PDZD2: variants seen among roughly 807,000 people sequenced by gnomAD.
The protein encoded by PDZD2 is PDZ domain-containing protein 2.
A neutral mutation model predicts 220.7 loss-of-function variants in PDZD2; 90 were observed. That is an observed-to-expected ratio of 0.41 (90% CI 0.34 to 0.49). PDZD2 has a LOEUF of 0.49. Ranked by LOEUF, PDZD2 falls within the 20% of genes least tolerant of loss-of-function variation. The probability of loss-of-function intolerance (pLI) is 0.28; values close to 1 mark genes in which losing one functional copy is unlikely to be tolerated. For synonymous variants in PDZD2, 1,375 were observed against 1,450.5 expected, an observed-to-expected ratio of 0.95 and a Z score of 1.18; for missense variants, 3,174 against 3,608.5, an observed-to-expected ratio of 0.88 and a Z score of 3.08.
intron 2 of PDZD2, among the ~76,000 whole-genome samples, chr5:31,803,396 C>G (rs1017999697): frequency 1.3e-5 from 2 of 151,242 alleles, no homozygotes; most frequent in African/African-American, 4.9e-5. Flanking sequence ...AGTCACTGCA[C>G]CCATGGGGCT....
chr5:31,846,033 C>T (rs1431891828), intron 2 of PDZD2, among the ~76,000 whole-genome samples: 2 of 152,214 alleles, frequency 1.3e-5, no homozygotes, highest in Non-Finnish European at 2.9e-5. Flanking sequence ...GATCAGAAAC[C>T]ATTCTCCGGT....
chr5:31,772,944 G>T (rs1024121873), intron 1 of PDZD2, among the ~76,000 whole-genome samples: 2 of 152,176 alleles, frequency 1.3e-5, no homozygotes, highest in Admixed American at 1.3e-4. Context: ...GCTTGAGAAG[G>T]TTCCATGGAG....
At chr5:32,008,247 C>T (rs1753002681) in intron 5 of PDZD2, among the ~76,000 whole-genome samples, 1 of 149,816 alleles carries the variant, frequency 6.7e-6, no homozygotes, top group Non-Finnish European at 1.5e-5. Context: ...AAGACCTTAT[C>T]TGACATTTTG....
chr5:32,081,505 TG>T (rs1247002844), intron 19 of PDZD2, among the ~76,000 whole-genome samples: 1 of 152,090 alleles, frequency 6.6e-6, no homozygotes, highest in African/African-American at 2.4e-5. Flanking sequence ...GCTTTTGGGG[TG>T]TATCTGAAAT....
rs1347131769 is a variant in PDZD2, at chr5:32,093,074, G to A, written c.7845+50G>A. ...GAACATGAATTGCGGCCGCGTGAGTGCCCAGGTATGTGCTGCCTGCCCAGA... is the reference window on the plus strand; with the variant it reads ...GAACATGAATTGCGGCCGCGTGAGTACCCAGGTATGTGCTGCCTGCCCAGA... On this transcript the variant is annotated intron_variant, in intron 21 of 24. Transcript: ENST00000438447. 4 of 947,782 alleles carry A rather than the reference G, an allele frequency of 4.2e-6. No homozygotes were observed. In the Admixed American group the frequency reaches 5.2e-5, roughly 12 times the overall value. The allele number at this position is 947,782 out of a possible 1,614,324, so 58.7% of individuals were successfully genotyped here. A position where few individuals can be genotyped will look rare whatever the true frequency, so the allele number is the denominator to read the frequency against.
At chr5:32,093,285 C>G (rs1426474063) in intron 21 of PDZD2, among the ~76,000 whole-genome samples, 3 of 152,182 alleles carry the variant, frequency 2.0e-5, no homozygotes, top group African/African-American at 7.2e-5. Context: ...CAACTAGTTA[C>G]CATTCTCCTA....
intron 2 of PDZD2, among the ~76,000 whole-genome samples, chr5:31,815,661 G>A (rs1755403597): frequency 6.6e-6 from 1 of 152,136 alleles, no homozygotes; most frequent in Non-Finnish European, 1.5e-5. Flanking sequence ...GTCATGGCCT[G>A]AACCAGTTTC....
chr5:31,991,623 G>A (rs995756690), intron 3 of PDZD2, among the ~76,000 whole-genome samples: 8 of 152,134 alleles, frequency 5.3e-5, no homozygotes, highest in South Asian at 2.1e-4. Context: ...CCTTAATATC[G>A]TTATATTTAA....
rs1347530363 is a variant in PDZD2 at position 31,862,552 on chromosome 5, CCTTTT to C, written c.476+62839_476+62843del. The stretch of plus-strand genomic sequence containing the variant: ...CATTAATTGGGAGACAACCATGGCA[CCTTTT>C]CTTTTCTTTTTTTTTTTTTTTGAGA... On this transcript the variant is annotated intron_variant, in intron 2 of 24. Coordinates refer to ENST00000438447, the MANE Select transcript of PDZD2 (RefSeq NM_178140.4). Among the ~76,000 whole-genome samples the C allele has an allele frequency of 2.2e-4, 33 of 150,194 alleles. No homozygotes were observed. In the Middle Eastern group the frequency reaches 0.01, roughly 47 times the overall value.
At chr5:32,056,494 G>A (rs1345137768) in intron 10 of PDZD2, among the ~76,000 whole-genome samples, 2 of 152,132 alleles carry the variant, frequency 1.3e-5, no homozygotes, top group Non-Finnish European at 2.9e-5. Flanking sequence ...TGTTTTTGAT[G>A]AACTGTTATT....
chr5:31,817,971 T>TTC (rs1755576288), intron 2 of PDZD2, among the ~76,000 whole-genome samples: 1 of 146,418 alleles, frequency 6.8e-6, no homozygotes, highest in Non-Finnish European at 1.5e-5. Context: ...GCCAATTTTT[T>TTC]TTTTTTTTTT....
chr5:31,985,560 G>A (rs1750648084), intron 3 of PDZD2, among the ~76,000 whole-genome samples: 2 of 152,098 alleles, frequency 1.3e-5, no homozygotes. Flanking sequence ...GGGCATGGTT[G>A]CACATGCCTG....
intron 1 of PDZD2, among the ~76,000 whole-genome samples, chr5:31,705,109 C>T (rs1005596817): frequency 5.3e-5 from 8 of 151,744 alleles, no homozygotes; most frequent in East Asian, 1.9e-4. Flanking sequence ...TGCAGTGAGC[C>T]GAGACTGTGC....
At chr5:31,855,207 C>G in intron 2 of PDZD2, 10 of 733,028 alleles carry the variant, frequency 1.4e-5, no homozygotes, top group Non-Finnish European at 1.7e-5. Flanking sequence ...CTCAGGTTTT[C>G]TGATCTGATC....
intron 2 of PDZD2, among the ~76,000 whole-genome samples, chr5:31,853,014 GA>G (rs1758149590): frequency 6.6e-6 from 1 of 152,170 alleles, no homozygotes; most frequent in Non-Finnish European, 1.5e-5. Context: ...ACTCAGAAAG[GA>G]AGCAAAGGAG....
At chr5:31,733,994 C>G (rs1283467420) in intron 1 of PDZD2, among the ~76,000 whole-genome samples, 1 of 152,212 alleles carries the variant, frequency 6.6e-6, no homozygotes, top group African/African-American at 2.4e-5. Flanking sequence ...ATTTCAGATA[C>G]CAATATGAAG....
chr5:31,858,095 G>C (rs1758617399), intron 2 of PDZD2, among the ~76,000 whole-genome samples: 1 of 152,040 alleles, frequency 6.6e-6, no homozygotes, highest in African/African-American at 2.4e-5. Flanking sequence ...CACAGTGCTA[G>C]GATTACAGGT....
intron 24 of PDZD2, chr5:32,106,039 GGAT>G (rs1744729647): frequency 6.6e-6 from 1 of 151,050 alleles, no homozygotes; most frequent in Admixed American, 6.6e-5. Flanking sequence ...GATGGTTTCA[GGAT>G]GATTCAGGTG....
At chr5:31,729,711 T>C (rs1049259947) in intron 1 of PDZD2, among the ~76,000 whole-genome samples, 1 of 152,246 alleles carries the variant, frequency 6.6e-6, no homozygotes, top group Non-Finnish European at 1.5e-5. Flanking sequence ...CTGTTTATGA[T>C]ATACATGACT....
Sources: gnomAD v4.1 joint callset for allele counts (sites outside exome capture counted in the v4.1 genomes callset) on GRCh38, gnomAD v4.1.1 for gene constraint, MANE v1.5 for transcripts, NCBI Gene and HGNC (gene_info 2026-07-23, HGNC 2026-07-21) for gene names.